The following CCNH variants were observed in gnomAD, a reference collection of about 807,000 sequenced individuals.
The protein encoded by CCNH is cyclin H.
CCNH carries 31 observed loss-of-function variants against 41.9 expected under a neutral mutation model. The ratio of observed to expected loss-of-function variants is 0.74; its 90% CI spans 0.56 to 1.00. The LOEUF is 1.00. Among genes scored for constraint, CCNH ranks in the 50% least tolerant of loss-of-function variants. The pLI is 0.00. For missense variants in CCNH, 362 were observed against 388.4 expected (o/e 0.93, Z 0.57); for synonymous variants, 138 against 136.1 (o/e 1.01, Z -0.10).
chr5:87,386,293 A>T (rs1415999948), intron 9 of CCNH, among the ~76,000 whole-genome samples: 1 of 152,060 alleles, frequency 6.6e-6, no homozygotes, highest in Non-Finnish European at 1.5e-5. Context: ...GCATGGTTTT[A>T]AGTAGTCAGG....
At chr5:87,331,533 A>G in intron 9 of CCNH, 1 of 1,602,362 alleles carries the variant, frequency 6.2e-7, no homozygotes, top group African/African-American at 1.3e-5. Context: ...AAGCCAAATG[A>G]TGTAGCTATT....
intron 3 of CCNH, 38 bp downstream of exon 3, chr5:87,409,252 T>A: frequency 8.4e-7 from 1 of 1,188,806 alleles, no homozygotes; most frequent in South Asian, 1.4e-5. Context: ...ATAAAGGTCT[T>A]CTTAAATGAA....
At chr5:87,328,782 A>C (rs1757410358) in intron 9 of CCNH, among the ~76,000 whole-genome samples, 1 of 152,182 alleles carries the variant, frequency 6.6e-6, no homozygotes, top group African/African-American at 2.4e-5. Flanking sequence ...AAAATGGTTG[A>C]GAAATACTGT....
intron 9 of CCNH, among the ~76,000 whole-genome samples, chr5:87,347,659 T>C (rs1187086416): frequency 6.6e-6 from 1 of 152,006 alleles, no homozygotes; most frequent in Non-Finnish European, 1.5e-5. Context: ...AGATTTGAGA[T>C]AGTTTTTGAA....
At chr5:87,336,794 T>G (rs1310568131) in intron 9 of CCNH, among the ~76,000 whole-genome samples, 3 of 152,098 alleles carry the variant, frequency 2.0e-5, no homozygotes, top group African/African-American at 7.2e-5. Flanking sequence ...ATAGTTTAAT[T>G]GGTTAAGTGG....
intron 1 of CCNH, 147 bp downstream of exon 1, chr5:87,412,531 T>G (rs1310789728): frequency 1.0e-5 from 15 of 1,446,874 alleles, no homozygotes; most frequent in Middle Eastern, 2.6e-4. Flanking sequence ...CCTGGCAAGG[T>G]GCTCGCTTAT....
chr5:87,345,205 G>T (rs564204881), intron 9 of CCNH, among the ~76,000 whole-genome samples: 1 of 152,094 alleles, frequency 6.6e-6, no homozygotes, highest in Admixed American at 6.6e-5. Flanking sequence ...AAACCATGTG[G>T]TTGAAATATA....
At chr5:87,409,555 C>A (rs1448547496) in intron 2 of CCNH, among the ~76,000 whole-genome samples, 192 bp from the exon 3 acceptor site, 1 of 151,984 alleles carries the variant, frequency 6.6e-6, no homozygotes, top group Non-Finnish European at 1.5e-5. Flanking sequence ...CCAAAAGATT[C>A]TTTCCCATCC....
chr5:87,322,750 T>A (rs915501585), intron 9 of CCNH, among the ~76,000 whole-genome samples: 56 of 152,208 alleles, frequency 3.7e-4, no homozygotes, highest in African/African-American at 1.3e-3. Context: ...ATGGGAGTTA[T>A]AAGCCAGGAA....
chr5:87,382,155 T>C (rs1204726774), upstream of CCNH, among the ~76,000 whole-genome samples: 2 of 152,180 alleles, frequency 1.3e-5, no homozygotes, highest in Non-Finnish European at 2.9e-5. Flanking sequence ...TTAGACCATG[T>C]TGGCCAGGCT....
At chr5:87,340,243 G>T (rs911184888) in intron 9 of CCNH, among the ~76,000 whole-genome samples, 1 of 152,038 alleles carries the variant, frequency 6.6e-6, no homozygotes, top group African/African-American at 2.4e-5. Context: ...TTTCACAGAG[G>T]ATTTATGCCT....
At chr5:87,321,254 T>TACA (rs1756783263) in intron 9 of CCNH, among the ~76,000 whole-genome samples, 1 of 152,210 alleles carries the variant, frequency 6.6e-6, no homozygotes, top group Non-Finnish European at 1.5e-5. Flanking sequence ...CCTCTGCTCT[T>TACA]ACACCACAAC....
downstream of CCNH, chr5:87,394,243 T>C: frequency 8.0e-7 from 1 of 1,245,490 alleles, no homozygotes; most frequent in East Asian, 3.3e-5. Flanking sequence ...CACGATGGAA[T>C]AAGAATATTC....
intron 9 of CCNH, among the ~76,000 whole-genome samples, chr5:87,330,117 A>AT (rs1231227770): frequency 6.6e-6 from 1 of 152,132 alleles, no homozygotes; most frequent in Non-Finnish European, 1.5e-5. Context: ...TAAGTTCATT[A>AT]TTTTCAGCCT....
At chr5:87,369,923 T>C in intron 9 of CCNH, 1 of 1,545,844 alleles carries the variant, frequency 6.5e-7, no homozygotes, top group Non-Finnish European at 8.9e-7. Context: ...TTTCTCAAAC[T>C]ACAGTATACT....
At chr5:87,393,185 C>A (rs1265188436), downstream of CCNH, among the ~76,000 whole-genome samples, 1 of 151,924 alleles carries the variant, frequency 6.6e-6, no homozygotes, top group Non-Finnish European at 1.5e-5. Flanking sequence ...TATAATGGTA[C>A]CTACCTTTCT....
chr5:87,407,511 T>C (rs1359227260), intron 4 of CCNH, among the ~76,000 whole-genome samples: 3 of 152,204 alleles, frequency 2.0e-5, no homozygotes, highest in Non-Finnish European at 4.4e-5. Flanking sequence ...CGTATATTAT[T>C]GATGCCTACA....
chr5:87,331,260 A>G (rs766937296), intron 9 of CCNH: 1 of 1,361,824 alleles, frequency 7.3e-7, no homozygotes, highest in Non-Finnish European at 1.0e-6. Context: ...GTAGGCATTT[A>G]AAACCTCTAG....
chr5:87,376,815 G>GT, exon 1 of CCNH: 1 of 1,461,078 alleles, frequency 6.8e-7, no homozygotes, highest in South Asian at 1.2e-5. Flanking sequence ...CATATTTCTT[G>GT]TTAGTCTCAT....
Sources: allele counts gnomAD v4.1 joint callset (sites outside exome capture counted in the v4.1 genomes callset), GRCh38; gene constraint gnomAD v4.1.1; transcripts MANE v1.5; gene names NCBI Gene and HGNC (gene_info 2026-07-23, HGNC 2026-07-21).